Variants in PPP2CB observed in about 807,000 individuals in gnomAD.
PPP2CB encodes the protein protein phosphatase 2 catalytic subunit beta.
PPP2CB carries 18 observed loss-of-function variants against 39.1 expected under a neutral mutation model. The observed-to-expected ratio is 0.46, with a 90% CI of 0.32 to 0.68. The LOEUF (loss-of-function observed/expected upper bound fraction) is 0.68. Ranked by LOEUF, PPP2CB falls within the 30% of genes least tolerant of loss-of-function variation. The probability of loss-of-function intolerance (pLI) is 0.04; values close to 1 mark genes in which losing one functional copy is unlikely to be tolerated. For missense variants in PPP2CB, 226 were observed against 396.9 expected (o/e 0.57, Z 3.66); for synonymous variants, 129 against 133.8 (o/e 0.96, Z 0.25).
At chr8:30,795,313 C>T (rs1806504597) in intron 3 of PPP2CB, among the ~76,000 whole-genome samples, 1 of 152,028 alleles carries the variant, frequency 6.6e-6, no homozygotes. Context: ...CAGGGTTTCT[C>T]CATGTTGGCC....
intron 1 of PPP2CB, among the ~76,000 whole-genome samples, chr8:30,811,132 A>G (rs1272609221): frequency 6.6e-6 from 1 of 152,244 alleles, no homozygotes; most frequent in Non-Finnish European, 1.5e-5. Flanking sequence ...TTCAGGGGTT[A>G]AGAAAACAAT....
chr8:30,790,603 T>C (rs568968124), intron 6 of PPP2CB, among the ~76,000 whole-genome samples: 19 of 152,302 alleles, frequency 1.2e-4, no homozygotes, highest in African/African-American at 3.6e-4. Flanking sequence ...AAGCAGGTGC[T>C]GGGGTAACAG....
chr8:30,805,521 C>G (rs150151014), intron 1 of PPP2CB, among the ~76,000 whole-genome samples: 2,145 of 152,154 alleles, frequency 0.014, 52 homozygotes, highest in African/African-American at 0.05. Context: ...GATGGCACCA[C>G]TGCACTCCAG....
In PPP2CB at chr8:30,812,549, G is replaced by A. The variant is rs1387201156; in HGVS notation, c.-128C>T. The A allele has an allele frequency of 5.5e-6, 3 of 542,044 alleles. No individual in the cohort carries two copies. The highest frequency in any genetic ancestry group is 4.0e-5 in the South Asian group (1 of 24,862). 33.6% of individuals were successfully genotyped at this position (542,044 alleles called of 1,614,324 possible). ...TCCGCCGCCGTCGCCAGGTCCCACA[G>A]GGGGAGGACTGAGCCGGGTAGGGCG... On this transcript the variant is annotated 5_prime_UTR_variant, in exon 1 of 7. Transcript: ENST00000221138.
chr8:30,803,966 G>C (rs1485288894), intron 1 of PPP2CB, among the ~76,000 whole-genome samples: 1 of 152,028 alleles, frequency 6.6e-6, no homozygotes, highest in Non-Finnish European at 1.5e-5. Flanking sequence ...GGGATTACAG[G>C]CGCGTGCCAC....
At chr8:30,808,499 T>TA (rs1443630010) in intron 1 of PPP2CB, among the ~76,000 whole-genome samples, 2 of 152,150 alleles carry the variant, frequency 1.3e-5, no homozygotes, top group Middle Eastern at 3.4e-3. Flanking sequence ...TCCAATAGAA[T>TA]AAAAAAAGGT....
chr8:30,802,692 G>T (rs980515272), intron 1 of PPP2CB, among the ~76,000 whole-genome samples: 3 of 151,978 alleles, frequency 2.0e-5, no homozygotes, highest in Non-Finnish European at 4.4e-5. Flanking sequence ...TTTTCAAACG[G>T]AAAAAACCTG....
chr8:30,800,978 G>C (rs2128761850), intron 1 of PPP2CB, among the ~76,000 whole-genome samples: 1 of 146,768 alleles, frequency 6.8e-6, no homozygotes. Flanking sequence ...AGGCCGAGGG[G>C]GGAGGATAGC....
chr8:30,811,007 C>A (rs1806816455), intron 1 of PPP2CB, among the ~76,000 whole-genome samples: 1 of 152,174 alleles, frequency 6.6e-6, no homozygotes, highest in Admixed American at 6.5e-5. Context: ...GTTACTTCTT[C>A]ATGCACTTCA....
chr8:30,803,373 T>C (rs1411410884), intron 1 of PPP2CB, among the ~76,000 whole-genome samples: 2 of 151,992 alleles, frequency 1.3e-5, no homozygotes, highest in Non-Finnish European at 2.9e-5. Flanking sequence ...GGAGACCCTG[T>C]CTCTACAAAA....
rs143807685 is a variant in PPP2CB at position 30,807,093 on chromosome 8, G to C, written c.102+5227C>G. 2.5e-3 allele frequency among the ~76,000 whole-genome samples: 384 copies of C among 152,188 alleles called. 2 individuals are homozygous for C. Among genetic ancestry groups the C allele is most frequent in the African/African-American group, 8.8e-3 (364 of 41,510 alleles). ...AATGATTTGTTCAGTCACTAGAATT[G>C]GGTCTTGACCCTCTATTTCACTGTA... is the stretch of plus-strand genomic sequence containing the variant. On this transcript the variant is annotated intron_variant, in intron 1 of 6. Transcript: ENST00000221138.
chr8:30,797,320 T>C (rs980516626), intron 3 of PPP2CB, among the ~76,000 whole-genome samples: 3 of 152,234 alleles, frequency 2.0e-5, no homozygotes, highest in African/African-American at 7.2e-5. Flanking sequence ...ATAATGTTTA[T>C]CGATATCTTA....
At chr8:30,801,774 A>G (rs1336307573) in intron 1 of PPP2CB, among the ~76,000 whole-genome samples, 1 of 152,146 alleles carries the variant, frequency 6.6e-6, no homozygotes, top group African/African-American at 2.4e-5. Context: ...AGCGATTTTC[A>G]AAACACACAA....
intron 1 of PPP2CB, among the ~76,000 whole-genome samples, chr8:30,802,744 T>C (rs1806647988): frequency 6.6e-6 from 1 of 152,208 alleles, no homozygotes; most frequent in Non-Finnish European, 1.5e-5. Context: ...GCAGTAATTA[T>C]AAAATATCCA....
chr8:30,797,938 C>T (rs1269643628), intron 2 of PPP2CB, among the ~76,000 whole-genome samples, 184 bp from the exon 3 acceptor site: 3 of 152,198 alleles, frequency 2.0e-5, no homozygotes, highest in Non-Finnish European at 4.4e-5. Context: ...TAACATTTGA[C>T]GTGTTTATTA....
rs1461814703 is a variant in PPP2CB at position 30,786,148 on chromosome 8, A to G, written c.*87T>C. 10 of 1,149,868 alleles carry G rather than the reference A, an allele frequency of 8.7e-6. No homozygotes were observed. In the East Asian group the frequency reaches 1.3e-4, roughly 15 times the overall value. 71.2% of individuals were successfully genotyped at this position (1,149,868 alleles called of 1,614,324 possible). A position where few individuals can be genotyped will look rare whatever the true frequency, so the allele number is the denominator to read the frequency against. ...CCCAATTTGTTACAGAAACACATAGATTACTGTTGCTTTTTGTTTTTAAAT... is the reference window on the plus strand; with the variant it reads ...CCCAATTTGTTACAGAAACACATAGGTTACTGTTGCTTTTTGTTTTTAAAT... On this transcript the variant is annotated 3_prime_UTR_variant, in exon 7 of 7. Coordinates refer to ENST00000221138, the MANE Select transcript of PPP2CB (RefSeq NM_001009552.2).
At chr8:30,794,823 C>T (rs912582805) in intron 3 of PPP2CB, among the ~76,000 whole-genome samples, 3 of 152,196 alleles carry the variant, frequency 2.0e-5, no homozygotes, top group East Asian at 3.8e-4. Context: ...GTTTCTCTTA[C>T]AGCAAACACT....
intron 5 of PPP2CB, among the ~76,000 whole-genome samples, chr8:30,792,707 C>T (rs533980199): frequency 2.6e-5 from 4 of 151,964 alleles, no homozygotes; most frequent in African/African-American, 7.2e-5. Flanking sequence ...CCTCCCACCT[C>T]GGCCTCCCAA....
Position 30,786,279 on chromosome 8 carries a change from C to T in PPP2CB, c.886G>A (p.Gly296Ser). Reference sequence around the variant, plus strand: ...GTGCGCCGTGTAACATGAGGCTCACCACGACGAGGCGCTGGGTCAAATTGA... The same window carrying T: ...GTGCGCCGTGTAACATGAGGCTCACTACGACGAGGCGCTGGGTCAAATTGA... ...FLQFDPAPRRGEPHVTRRTPD... is the reference protein window; with the variant it reads ...FLQFDPAPRRSEPHVTRRTPD... Residue 296 changes from glycine to serine, a missense_variant, in exon 7 of 7, where the codon GGT becomes AGT. Gly to Ser is a moderately conservative substitution (Grantham distance 56). Transcript: ENST00000221138. The T allele has an allele frequency of 6.3e-7, 1 of 1,579,010 alleles. No homozygotes were observed. The highest frequency in any genetic ancestry group is 8.6e-7 in the Non-Finnish European group (1 of 1,161,992).
Sources: allele counts gnomAD v4.1 joint callset (sites outside exome capture counted in the v4.1 genomes callset), GRCh38; gene constraint gnomAD v4.1.1; transcripts MANE v1.5; gene names NCBI Gene and HGNC (gene_info 2026-07-23, HGNC 2026-07-21).